Variants in FAT3 observed in about 807,000 individuals in gnomAD.
FAT3 encodes FAT atypical cadherin 3.
A neutral mutation model predicts 310.2 loss-of-function variants in FAT3; 95 were observed. That is an observed-to-expected ratio of 0.31 (90% confidence interval 0.26 to 0.36). The LOEUF is 0.36. Among genes scored for constraint, FAT3 ranks in the 10% least tolerant of loss-of-function variants. The pLI, the probability that FAT3 is intolerant of heterozygous loss-of-function variation, is 1.00. For missense variants in FAT3, 5,408 were observed against 5,715.6 expected, an observed-to-expected ratio of 0.95 and a Z score of 1.74; for synonymous variants, 2,314 against 2,192.9, an observed-to-expected ratio of 1.06 and a Z score of -1.54.
chr11:92,380,381 T>C (rs1005278623), intron 2 of FAT3, among the ~76,000 whole-genome samples: 1 of 152,120 alleles, frequency 6.6e-6, no homozygotes, highest in Admixed American at 6.5e-5. Flanking sequence ...TGTCTTCCTC[T>C]TCCAAGACAA....
chr11:92,737,154 T>G (rs1945372167), intron 4 of FAT3, among the ~76,000 whole-genome samples: 1 of 152,220 alleles, frequency 6.6e-6, no homozygotes, highest in East Asian at 1.9e-4. Context: ...CAATTCAAAA[T>G]GTTTGGAAAA....
intron 5 of FAT3, among the ~76,000 whole-genome samples, chr11:92,764,167 G>A (rs780257161): frequency 6.6e-6 from 1 of 152,016 alleles, no homozygotes. Flanking sequence ...CCTTATATCA[G>A]CTAATTGTGA....
At chr11:92,649,800 A>C (rs1162420178) in intron 3 of FAT3, among the ~76,000 whole-genome samples, 1 of 149,984 alleles carries the variant, frequency 6.7e-6, no homozygotes, top group Admixed American at 6.7e-5. Flanking sequence ...TGAAATCATA[A>C]GTGAATCCTC....
At position 92,353,440 on chromosome 11, in the gene FAT3, A is replaced by G. The variant is rs776831581; in HGVS notation, c.1328A>G (p.Tyr443Cys). 1.5e-5 allele frequency: 24 copies of G among 1,613,528 alleles called. No individual in the cohort carries two copies. The highest frequency in any genetic ancestry group is 1.6e-4 in the Middle Eastern group (1 of 6,084). The change falls in exon 2 of 28, where the codon TAT (tyrosine) becomes TGT (cysteine). Residue 443 changes from tyrosine to cysteine, a missense_variant. Tyr to Cys is a radical substitution (Grantham distance 194). This residue lies in a region of FAT3 where 4,588 missense variants were observed against 4,809.8 expected (regional missense o/e 0.95). Coordinates refer to ENST00000525166, the MANE Select transcript of FAT3 (RefSeq NM_001367949.2). Reference protein sequence around the residue: ...RPLNTVKKEVYKLEVTNKEGD... With the variant: ...RPLNTVKKEVCKLEVTNKEGD... The stretch of plus-strand genomic sequence containing the variant: ...CTGAATACTGTTAAGAAGGAGGTTT[A>G]TAAACTGGAGGTGACAAACAAGGAA...
chr11:92,608,799 C>T (rs551973083), intron 3 of FAT3, among the ~76,000 whole-genome samples: 1 of 152,028 alleles, frequency 6.6e-6, no homozygotes, highest in Non-Finnish European at 1.5e-5. Flanking sequence ...GCCTAGGGAA[C>T]AGCATCTCTG....
intron 3 of FAT3, among the ~76,000 whole-genome samples, chr11:92,670,126 A>AT (rs1208787948): frequency 1.3e-5 from 2 of 152,116 alleles, no homozygotes; most frequent in Non-Finnish European, 2.9e-5. Context: ...TAATGCTCTA[A>AT]TTTTTTCTTT....
At chr11:92,508,553 A>C (rs1199140216) in intron 2 of FAT3, among the ~76,000 whole-genome samples, 2 of 152,146 alleles carry the variant, frequency 1.3e-5, no homozygotes, top group East Asian at 3.9e-4. Flanking sequence ...AGAGAAGTTC[A>C]AGTCCATTCA....
At chr11:92,725,398 G>T (rs1304890190) in intron 4 of FAT3, among the ~76,000 whole-genome samples, 2 of 152,224 alleles carry the variant, frequency 1.3e-5, no homozygotes, top group East Asian at 1.9e-4. Flanking sequence ...TCAAGCTTGG[G>T]TCTCAGACAG....
chr11:92,739,473 A>C (rs1422051224), intron 4 of FAT3, among the ~76,000 whole-genome samples: 7 of 152,164 alleles, frequency 4.6e-5, no homozygotes, highest in African/African-American at 1.7e-4. Flanking sequence ...TTTTTAATGT[A>C]GCAAAATTCT....
intron 4 of FAT3, among the ~76,000 whole-genome samples, chr11:92,700,416 G>A (rs939067052): frequency 1.3e-5 from 2 of 152,024 alleles, no homozygotes; most frequent in Admixed American, 6.6e-5. Context: ...AAGTGATGGC[G>A]GGCTGCCCTG....
intron 3 of FAT3, among the ~76,000 whole-genome samples, chr11:92,636,256 C>T (rs1025653999): frequency 6.6e-6 from 1 of 152,148 alleles, no homozygotes; most frequent in Non-Finnish European, 1.5e-5. Context: ...GCCACTGCAC[C>T]CTGCAGGTCT....
At chr11:92,302,126 T>C (rs571035785) in intron 1 of FAT3, among the ~76,000 whole-genome samples, 1 of 152,212 alleles carries the variant, frequency 6.6e-6, no homozygotes, top group African/African-American at 2.4e-5. Context: ...TATGACCTAC[T>C]CCACCATAAG....
intron 13 of FAT3, among the ~76,000 whole-genome samples, chr11:92,819,241 G>A (rs894873283): frequency 8.5e-5 from 13 of 152,254 alleles, no homozygotes; most frequent in African/African-American, 3.1e-4. Flanking sequence ...TAGGACAGTG[G>A]TACTCAAAAA....
At chr11:92,642,334 C>T (rs950030134) in intron 3 of FAT3, among the ~76,000 whole-genome samples, 2 of 152,208 alleles carry the variant, frequency 1.3e-5, no homozygotes, top group Admixed American at 6.5e-5. Flanking sequence ...AGTTGTCATC[C>T]TCAGAACCCA....
intron 1 of FAT3, 86 bp from the exon 2 acceptor site, chr11:92,352,010 C>A: frequency 2.3e-6 from 2 of 876,842 alleles, no homozygotes; most frequent in South Asian, 3.2e-5. Flanking sequence ...TTTTAAAAAG[C>A]ATGGCTTCCT....
chr11:92,849,235 C>A (rs1303936975), intron 19 of FAT3, among the ~76,000 whole-genome samples: 3 of 152,196 alleles, frequency 2.0e-5, no homozygotes, highest in Non-Finnish European at 4.4e-5. Context: ...TTAACCACAG[C>A]AGCTTACCAC....
intron 16 of FAT3, 36 bp downstream of exon 16, chr11:92,836,739 A>G: frequency 1.3e-6 from 2 of 1,596,386 alleles, no homozygotes; most frequent in Non-Finnish European, 1.7e-6. Context: ...TCCCATCCAC[A>G]TCCACCACTT....
chr11:92,714,509 GAAA>G (rs996220919), intron 4 of FAT3, among the ~76,000 whole-genome samples: 1 of 149,382 alleles, frequency 6.7e-6, no homozygotes, highest in Non-Finnish European at 1.5e-5. Context: ...CACAAAAAAG[GAAA>G]AAAAAAATTT....
intron 3 of FAT3, among the ~76,000 whole-genome samples, chr11:92,600,239 A>G (rs2135585523): frequency 6.6e-6 from 1 of 152,186 alleles, no homozygotes; most frequent in East Asian, 1.9e-4. Context: ...AGTTGCTAAA[A>G]TTATGCCTTA....
Sources: allele counts gnomAD v4.1 joint callset (sites outside exome capture counted in the v4.1 genomes callset), GRCh38; gene constraint gnomAD v4.1.1; regional missense constraint gnomAD v4.1.1; transcripts MANE v1.5; gene names NCBI Gene and HGNC (gene_info 2026-07-23, HGNC 2026-07-21).